BICDL1: variants seen among roughly 807,000 people sequenced by gnomAD.
The protein encoded by BICDL1 is BICD family-like cargo adapter 1.
Under a neutral mutation model 76.8 loss-of-function variants are expected in BICDL1, and 20 were observed. That is an observed-to-expected ratio of 0.26 (90% confidence interval 0.18 to 0.38). The LOEUF (loss-of-function observed/expected upper bound fraction) is 0.38, where lower values mean the gene tolerates loss of function less well. Among genes scored for constraint, BICDL1 ranks in the 10% least tolerant of loss-of-function variants. The probability of loss-of-function intolerance (pLI) is 1.00; values close to 1 mark genes in which losing one functional copy is unlikely to be tolerated. For missense variants in BICDL1, 700 were observed against 798.6 expected, an observed-to-expected ratio of 0.88 and a Z score of 1.49; for synonymous variants, 383 against 337.1, an observed-to-expected ratio of 1.14 and a Z score of -1.49.
intron 8 of BICDL1, among the ~76,000 whole-genome samples, chr12:120,089,507 C>T (rs138853256): frequency 9.9e-5 from 15 of 152,180 alleles, no homozygotes; most frequent in Non-Finnish European, 1.9e-4. Flanking sequence ...TGCCTCAGCC[C>T]GAGTAACTGG....
Position 120,074,555 on chromosome 12 carries a change from G to C in BICDL1, c.1421G>C (p.Ser474Thr). ...MEGERGKLRQ[S>T]LEELQRLHSQ... Reference sequence around the variant, plus strand: ...GGAGAGAGGGGTAAACTGAGGCAAAGCCTAGAAGAGCTGCAGCGACTCCAC... The same window carrying C: ...GGAGAGAGGGGTAAACTGAGGCAAACCCTAGAAGAGCTGCAGCGACTCCAC... The change falls in exon 7 of 10, where the codon AGC becomes ACC. Residue 474 changes from serine (S) to threonine (T), a missense_variant. Physicochemically the swap from Ser to Thr is moderately conservative, Grantham distance 58 (BLOSUM62 1). Around this residue, in one of 3 missense-constraint regions of BICDL1, gnomAD observed 455 missense variants for 548.7 expected, o/e 0.83. Coordinates refer to ENST00000548673, the MANE Select transcript of BICDL1 (RefSeq NM_001367886.1). 7.9e-7 allele frequency: 1 copy of C among 1,258,352 alleles called. No homozygotes were observed. 77.9% of individuals were successfully genotyped at this position (1,258,352 alleles called of 1,614,324 possible). A position where few individuals can be genotyped will look rare whatever the true frequency, so the allele number is the denominator to read the frequency against.
At chr12:120,015,599 A>G (rs920098841) in intron 2 of BICDL1, among the ~76,000 whole-genome samples, 5 of 152,118 alleles carry the variant, frequency 3.3e-5, no homozygotes, top group African/African-American at 1.2e-4. Context: ...CTGTGCACTC[A>G]GGGCACCTCC....
intron 9 of BICDL1, chr12:120,091,751 T>G: frequency 1.0e-6 from 1 of 985,388 alleles, no homozygotes; most frequent in Non-Finnish European, 1.2e-6. Context: ...CTTTGTTTCA[T>G]GCTGAAACCT....
chr12:120,063,741 G>A (rs537553698), intron 3 of BICDL1, among the ~76,000 whole-genome samples: 24 of 152,248 alleles, frequency 1.6e-4, no homozygotes, highest in African/African-American at 5.5e-4. Flanking sequence ...TAAATGGGAG[G>A]ATCCACGAGG....
intron 7 of BICDL1, among the ~76,000 whole-genome samples, chr12:120,075,168 C>T (rs796702359): frequency 2.6e-5 from 4 of 152,280 alleles, no homozygotes; most frequent in African/African-American, 9.6e-5. Context: ...TAAAACCTAT[C>T]CTAGGAGATA....
At chr12:119,993,754 G>A (rs1951577848) in intron 1 of BICDL1, among the ~76,000 whole-genome samples, 1 of 152,044 alleles carries the variant, frequency 6.6e-6, no homozygotes, top group African/African-American at 2.4e-5. Context: ...GAGTAGCTGG[G>A]ATTACACAAC....
chr12:120,027,522 G>A (rs371067279), intron 2 of BICDL1, among the ~76,000 whole-genome samples: 1 of 152,026 alleles, frequency 6.6e-6, no homozygotes, highest in Non-Finnish European at 1.5e-5. Flanking sequence ...TTGTTATCCC[G>A]GTTTTACAGG....
intron 2 of BICDL1, chr12:120,056,898 C>T (rs1952986205): frequency 6.1e-6 from 2 of 329,002 alleles, no homozygotes; most frequent in South Asian, 4.8e-5. Flanking sequence ...AGCAATGCCT[C>T]CTCCCAGCCG....
intron 2 of BICDL1, among the ~76,000 whole-genome samples, chr12:120,027,308 C>T (rs1480499923): frequency 6.6e-6 from 1 of 152,062 alleles, no homozygotes; most frequent in Non-Finnish European, 1.5e-5. Flanking sequence ...AGGTGTGAGC[C>T]ACCACACCCA....
intron 8 of BICDL1, among the ~76,000 whole-genome samples, chr12:120,088,989 G>A (rs1355181590): frequency 9.2e-5 from 14 of 152,230 alleles, no homozygotes. Context: ...ACTGGTGACT[G>A]TATTCCATCC....
At chr12:120,051,906 A>G (rs1211759659) in intron 2 of BICDL1, among the ~76,000 whole-genome samples, 1 of 151,476 alleles carries the variant, frequency 6.6e-6, no homozygotes, top group Non-Finnish European at 1.5e-5. Context: ...CTCTCCTCCA[A>G]TCTCTGCCAG....
intron 2 of BICDL1, among the ~76,000 whole-genome samples, chr12:120,029,168 A>G (rs1414059107): frequency 6.6e-6 from 1 of 152,106 alleles, no homozygotes; most frequent in African/African-American, 2.4e-5. Context: ...CCCAAAGTGT[A>G]CCCTGTTCTA....
At chr12:120,024,710 CAG>C (rs1952253899) in intron 2 of BICDL1, among the ~76,000 whole-genome samples, 1 of 151,778 alleles carries the variant, frequency 6.6e-6, no homozygotes, top group Non-Finnish European at 1.5e-5. Context: ...TTTTTTTTAA[CAG>C]AGTCTCACTC....
At position 120,094,403 on chromosome 12, in the gene BICDL1, T is replaced by C. The variant is rs763800096; in HGVS notation, c.*1242T>C. 9.5e-5 allele frequency: 35 copies of C among 368,832 alleles called. No homozygotes were observed. Among genetic ancestry groups the C allele is most frequent in the African/African-American group, 6.8e-4 (32 of 47,304 alleles). 22.8% of individuals were successfully genotyped at this position (368,832 alleles called of 1,614,324 possible). On this transcript the variant is annotated 3_prime_UTR_variant, in exon 10 of 10. Coordinates refer to ENST00000548673, the MANE Select transcript of BICDL1 (RefSeq NM_001367886.1). ...GTATGGATTTTATAATATACATATATAAAAATCTATAAAGGCATATTTTTA... is the reference window on the plus strand; with the variant it reads ...GTATGGATTTTATAATATACATATACAAAAATCTATAAAGGCATATTTTTA...
rs757433759 is a variant in BICDL1, at chr12:120,074,473, G to C, written c.1339G>C (p.Glu447Gln). Residue 447 changes from glutamate to glutamine, a missense_variant, in exon 7 of 10, where the codon GAA becomes CAA. Around this residue, in one of 3 missense-constraint regions of BICDL1, gnomAD observed 455 missense variants for 548.7 expected, o/e 0.83. Coordinates refer to ENST00000548673, the MANE Select transcript of BICDL1 (RefSeq NM_001367886.1). Reference protein sequence around the residue: ...GSRRLDDDSLEEQIRQTSEDS... With the variant: ...GSRRLDDDSLQEQIRQTSEDS... Reference sequence around the variant, plus strand: ...CCGGAGACTTGATGATGACTCCTTAGAAGAACAGATAAGGCAGACCAGTGA... The same window carrying C: ...CCGGAGACTTGATGATGACTCCTTACAAGAACAGATAAGGCAGACCAGTGA... 2 of 1,264,646 alleles carry C rather than the reference G, an allele frequency of 1.6e-6. No individual in the cohort carries two copies. The highest frequency in any genetic ancestry group is 2.6e-5 in the South Asian group (2 of 76,990). 78.3% of individuals were successfully genotyped at this position (1,264,646 alleles called of 1,614,324 possible).
intron 2 of BICDL1, among the ~76,000 whole-genome samples, chr12:120,025,433 C>T (rs1481052938): frequency 5.9e-5 from 9 of 152,146 alleles, no homozygotes; most frequent in Admixed American, 5.9e-4. Context: ...CCACGGGTCA[C>T]AGTTGTGGGT....
chr12:120,052,812 AC>A (rs1952891447), intron 2 of BICDL1, among the ~76,000 whole-genome samples: 1 of 152,152 alleles, frequency 6.6e-6, no homozygotes, highest in African/African-American at 2.4e-5. Flanking sequence ...TCGCTTTGTC[AC>A]CCAGGCTGGA....
At chr12:119,994,602 G>A (rs1951598401) in intron 1 of BICDL1, among the ~76,000 whole-genome samples, 1 of 151,952 alleles carries the variant, frequency 6.6e-6, no homozygotes, top group Non-Finnish European at 1.5e-5. Context: ...CAATTCTCCT[G>A]CCTCAGCCTC....
intron 2 of BICDL1, among the ~76,000 whole-genome samples, chr12:120,009,447 A>G (rs1249818093): frequency 2.0e-5 from 3 of 152,210 alleles, no homozygotes; most frequent in African/African-American, 7.2e-5. Flanking sequence ...TGAAGGCCCA[A>G]GATTCAGATT....
Sources: gnomAD v4.1 joint callset for allele counts (sites outside exome capture counted in the v4.1 genomes callset) on GRCh38, gnomAD v4.1.1 for gene constraint, gnomAD v4.1.1 regional missense constraint, MANE v1.5 for transcripts, NCBI Gene and HGNC (gene_info 2026-07-23, HGNC 2026-07-21) for gene names.